The following RAD51B variants were observed in gnomAD, a reference collection of about 807,000 sequenced individuals.
RAD51B encodes the protein DNA repair protein RAD51 homolog 2.
RAD51B carries 38 observed loss-of-function variants against 42.2 expected under a neutral mutation model. That is an observed-to-expected ratio of 0.90 (90% CI 0.70 to 1.18). RAD51B has a LOEUF of 1.18. RAD51B is among the 50% of genes most tolerant of loss of function. RAD51B has a pLI of 0.00. For synonymous variants in RAD51B, 154 were observed against 145.2 expected, an observed-to-expected ratio of 1.06 and a Z score of -0.43; for missense variants, 373 against 400.7, an observed-to-expected ratio of 0.93 and a Z score of 0.59.
intron 7 of RAD51B, among the ~76,000 whole-genome samples, chr14:68,095,110 T>A (rs990708508): frequency 6.6e-6 from 1 of 152,218 alleles, no homozygotes; most frequent in Non-Finnish European, 1.5e-5. Context: ...TATAATTAAG[T>A]AATTTATCAT....
At chr14:67,858,967 C>T (rs1467774720) in intron 4 of RAD51B, among the ~76,000 whole-genome samples, 1 of 152,208 alleles carries the variant, frequency 6.6e-6, no homozygotes, top group African/African-American at 2.4e-5. Context: ...TGAATTTAGA[C>T]TAGCATTCTC....
chr14:68,533,685 T>G (rs1887447885), intron 10 of RAD51B, among the ~76,000 whole-genome samples: 1 of 151,764 alleles, frequency 6.6e-6, no homozygotes, highest in Admixed American at 6.6e-5. Flanking sequence ...GGAGAAGAGA[T>G]AAATAGTGAC....
chr14:68,542,788 A>G (rs1350361367), intron 10 of RAD51B, among the ~76,000 whole-genome samples: 1 of 152,228 alleles, frequency 6.6e-6, no homozygotes, highest in East Asian at 1.9e-4. Flanking sequence ...TTTCGAGACC[A>G]GATGTCTACA....
chr14:68,586,250 T>C (rs1026567776), intron 10 of RAD51B, among the ~76,000 whole-genome samples: 2 of 152,208 alleles, frequency 1.3e-5, no homozygotes, highest in African/African-American at 4.8e-5. Flanking sequence ...AGTAACCCGA[T>C]GGACCTGTAG....
intron 8 of RAD51B, among the ~76,000 whole-genome samples, chr14:68,298,162 C>T (rs1047485658): frequency 7.0e-6 from 1 of 143,822 alleles, no homozygotes; most frequent in Non-Finnish European, 1.5e-5. Flanking sequence ...GTGTGGTATT[C>T]GGCTAAAGAA....
rs112788468 is a variant in RAD51B, at chr14:68,608,756, C to G, written c.1037-2250C>G. Among the ~76,000 whole-genome samples the G allele has an allele frequency of 7.0e-3, 1,068 of 152,304 alleles. 11 individuals carry two copies. Among genetic ancestry groups the G allele is most frequent in the African/African-American group, 0.024 (1,004 of 41,558 alleles). ...GCAGGCCCCCTTTGCCTCTGGGAGC[C>G]TCCTGGCTTCCCAACAGGTGCTATC... On this transcript the variant is annotated intron_variant, in intron 10 of 10. Transcript: ENST00000487861.
chr14:68,510,254 C>T (rs2842344), intron 10 of RAD51B, among the ~76,000 whole-genome samples: 129,353 of 152,256 alleles, frequency 0.85, 55,522 homozygotes, highest in Admixed American at 0.91. Flanking sequence ...CTGATTCATG[C>T]AGATTAAAAT....
downstream of RAD51B, among the ~76,000 whole-genome samples, chr14:68,613,242 C>G (rs1891739442): frequency 6.6e-6 from 1 of 151,732 alleles, no homozygotes; most frequent in Non-Finnish European, 1.5e-5. Context: ...ATGGTGAAAC[C>G]CTGTCTATAC....
At chr14:68,669,627 TACACACACACACACACACAC>T (rs34821600) in intron 11 of RAD51B, among the ~76,000 whole-genome samples, 1 of 147,916 alleles carries the variant, frequency 6.8e-6, no homozygotes, top group East Asian at 2.0e-4. Flanking sequence ...ACCCGCCACT[TACACACACACACACACACAC>T]ACACACACAC....
At chr14:68,279,212 T>C (rs879452405) in intron 7 of RAD51B, among the ~76,000 whole-genome samples, 1 of 152,204 alleles carries the variant, frequency 6.6e-6, no homozygotes, top group Admixed American at 6.5e-5. Flanking sequence ...GAGGAGTCCA[T>C]GAGAAGGAAC....
At position 68,180,734 on chromosome 14, in the gene RAD51B, A is replaced by G. The variant is rs114677240; in HGVS notation, c.757-111150A>G. Reference sequence around the variant, plus strand: ...ATGGAGAAAGACGGCGAGCAGATGTATAGAATGCACTGATTAGGGTGACTG... The same window carrying G: ...ATGGAGAAAGACGGCGAGCAGATGTGTAGAATGCACTGATTAGGGTGACTG... On this transcript the variant is annotated intron_variant, in intron 7 of 10. Coordinates refer to ENST00000471583, the MANE Select transcript of RAD51B (RefSeq NM_133510.4). 7.4e-4 allele frequency among the ~76,000 whole-genome samples: 112 copies of G among 152,304 alleles called. 1 individual carries two copies. The highest frequency in any genetic ancestry group is 2.4e-3 in the African/African-American group (101 of 41,568).
At chr14:68,521,517 CAAATA>C (rs1886579204) in intron 10 of RAD51B, among the ~76,000 whole-genome samples, 1 of 152,212 alleles carries the variant, frequency 6.6e-6, no homozygotes, top group South Asian at 2.1e-4. Flanking sequence ...AGGAAGAGAG[CAAATA>C]AACCAGTTCA....
exon 11 of RAD51B, chr14:68,611,070 C>T: frequency 2.8e-6 from 2 of 703,222 alleles, no homozygotes; most frequent in Non-Finnish European, 5.2e-6. Flanking sequence ...ACTCACATCC[C>T]AGCCCTACCT....
intron 8 of RAD51B, among the ~76,000 whole-genome samples, chr14:68,373,794 A>G (rs1030490162): frequency 2.0e-5 from 3 of 152,194 alleles, no homozygotes; most frequent in Admixed American, 2.0e-4. Context: ...ATAAATAAGA[A>G]TTTTTAAAAA....
intron 10 of RAD51B, among the ~76,000 whole-genome samples, chr14:68,511,538 T>C (rs1885728502): frequency 6.6e-6 from 1 of 152,232 alleles, no homozygotes; most frequent in Non-Finnish European, 1.5e-5. Context: ...TTCCAGAACC[T>C]TCTTTCATGG....
intron 7 of RAD51B, among the ~76,000 whole-genome samples, chr14:68,210,122 G>A (rs1274654): frequency 0.17 from 26,563 of 152,034 alleles, 2,486 homozygotes; most frequent in Middle Eastern, 0.36. Context: ...ACCATGCCCA[G>A]CTAATTTTTG....
intron 7 of RAD51B, among the ~76,000 whole-genome samples, chr14:68,038,124 C>T (rs2076162385): frequency 6.6e-6 from 1 of 152,212 alleles, no homozygotes; most frequent in African/African-American, 2.4e-5. Context: ...GTGGAATAAG[C>T]TCTCTAATTC....
intron 7 of RAD51B, among the ~76,000 whole-genome samples, chr14:68,124,271 G>C (rs1403669490): frequency 1.3e-5 from 2 of 152,184 alleles, no homozygotes; most frequent in Admixed American, 1.3e-4. Flanking sequence ...GCTGCTGGGT[G>C]ACTCTGAGTA....
chr14:68,277,425 G>C (rs143541469), intron 7 of RAD51B, among the ~76,000 whole-genome samples: 393 of 152,260 alleles, frequency 2.6e-3, no homozygotes, highest in Admixed American at 4.6e-3. Context: ...CTTTTTCTGG[G>C]AGGTGCCCTC....
Sources: allele counts gnomAD v4.1 joint callset (sites outside exome capture counted in the v4.1 genomes callset), GRCh38; gene constraint gnomAD v4.1.1; transcripts MANE v1.5; gene names NCBI Gene and HGNC (gene_info 2026-07-23, HGNC 2026-07-21).